The following TRABD2B variants were observed in gnomAD, a reference collection of about 807,000 sequenced individuals.
TRABD2B encodes the protein metalloprotease TIKI2.
TRABD2B carries 14 observed loss-of-function variants against 40.1 expected under a neutral mutation model. The ratio of observed to expected loss-of-function variants is 0.35; its 90% confidence interval spans 0.23 to 0.55. The LOEUF (loss-of-function observed/expected upper bound fraction) is 0.55, where lower values mean the gene tolerates loss of function less well. TRABD2B is among the 20% of genes least tolerant of loss of function. The pLI is 0.90. For missense variants in TRABD2B, 541 were observed against 648.6 expected (o/e 0.83, Z 1.80); for synonymous variants, 263 against 277.0 (o/e 0.95, Z 0.50).
intron 2 of TRABD2B, among the ~76,000 whole-genome samples, chr1:47,884,393 T>C (rs369052399): frequency 6.6e-6 from 1 of 152,212 alleles, no homozygotes. Context: ...AGAAAATAAC[T>C]CTTTCTTGTT....
rs1367779488 is a variant in TRABD2B at position 47,932,453 on chromosome 1, A to T, written c.666+61581T>A. Among the ~76,000 whole-genome samples the T allele has an allele frequency of 2.0e-5, 3 of 152,174 alleles. No homozygotes were observed. The East Asian group carries it at 5.8e-4, about 29-fold the overall frequency. ...ACGTCCGTGGAGGAGCTGAGTTATAATGGGAAACTGAGAAATAAGGCAGGA... is the reference window on the plus strand; with the variant it reads ...ACGTCCGTGGAGGAGCTGAGTTATATTGGGAAACTGAGAAATAAGGCAGGA... On this transcript the variant is annotated intron_variant, in intron 2 of 6. Transcript: ENST00000606738.
intron 2 of TRABD2B, among the ~76,000 whole-genome samples, chr1:47,990,835 A>ATATATATATATAT (rs1646000284): frequency 1.0e-5 from 1 of 95,512 alleles, no homozygotes; most frequent in Non-Finnish European, 2.0e-5. Flanking sequence ...ATATATATAT[A>ATATATATATATAT]AAACGTTGGT....
intron 2 of TRABD2B, among the ~76,000 whole-genome samples, chr1:47,862,820 C>G (rs536717906): frequency 1.1e-4 from 15 of 130,534 alleles, no homozygotes; most frequent in African/African-American, 4.1e-4. Context: ...TGACAGTACT[C>G]AATTCAAGAC....
chr1:47,871,239 G>C (rs962956738), intron 2 of TRABD2B, among the ~76,000 whole-genome samples: 1 of 152,114 alleles, frequency 6.6e-6, no homozygotes, highest in Non-Finnish European at 1.5e-5. Context: ...AGGTGGGCAG[G>C]AGCAGGAGAA....
intron 2 of TRABD2B, among the ~76,000 whole-genome samples, chr1:47,931,247 T>C (rs2148341292): frequency 6.6e-6 from 1 of 152,346 alleles, no homozygotes; most frequent in South Asian, 2.1e-4. Flanking sequence ...TGATTATTCT[T>C]GCTTCAGCTT....
chr1:47,854,492 A>G (rs1275995039), intron 2 of TRABD2B, among the ~76,000 whole-genome samples: 3 of 152,210 alleles, frequency 2.0e-5, no homozygotes, highest in Non-Finnish European at 4.4e-5. Flanking sequence ...GTTTTATCCA[A>G]TCAATGAAAC....
intron 2 of TRABD2B, among the ~76,000 whole-genome samples, chr1:47,949,684 A>G (rs1645313738): frequency 6.6e-6 from 1 of 151,752 alleles, no homozygotes; most frequent in Non-Finnish European, 1.5e-5. Flanking sequence ...CTGGGATTAC[A>G]GGTGTGAGCC....
At chr1:47,957,479 G>A (rs181256342) in intron 2 of TRABD2B, among the ~76,000 whole-genome samples, 6 of 152,070 alleles carry the variant, frequency 3.9e-5, no homozygotes, top group African/African-American at 7.2e-5. Flanking sequence ...AAGATTAAAC[G>A]AATGGCTAAC....
At chr1:47,895,661 T>C (rs1479314577) in intron 2 of TRABD2B, among the ~76,000 whole-genome samples, 1 of 152,060 alleles carries the variant, frequency 6.6e-6, no homozygotes, top group African/African-American at 2.4e-5. Flanking sequence ...GGAGACAGAG[T>C]TCACTCCTCA....
intron 2 of TRABD2B, among the ~76,000 whole-genome samples, chr1:47,855,609 C>A (rs996972751): frequency 2.0e-5 from 3 of 152,178 alleles, no homozygotes; most frequent in Non-Finnish European, 4.4e-5. Context: ...TAGTATGATT[C>A]GTTTATCCAT....
intron 2 of TRABD2B, among the ~76,000 whole-genome samples, chr1:47,956,924 CCCA>C (rs1645432164): frequency 1.3e-5 from 2 of 152,218 alleles, no homozygotes; most frequent in Non-Finnish European, 2.9e-5. Flanking sequence ...GGGTCCCTGA[CCCA>C]TGAGTAGCCT....
At chr1:47,920,203 G>A (rs992046616) in intron 2 of TRABD2B, among the ~76,000 whole-genome samples, 1 of 152,198 alleles carries the variant, frequency 6.6e-6, no homozygotes, top group African/African-American at 2.4e-5. Flanking sequence ...GTGAATCAGA[G>A]GCAGGTGTTA....
At chr1:47,802,314 C>G (rs1163564073) in intron 2 of TRABD2B, among the ~76,000 whole-genome samples, 1 of 152,188 alleles carries the variant, frequency 6.6e-6, no homozygotes, top group Non-Finnish European at 1.5e-5. Context: ...AACAGGATCC[C>G]TGCACACTTC....
rs542662732 is a variant in TRABD2B, at chr1:47,863,209, A to T, written c.667-61590T>A. ...ATGATCCATGAAAGAAAGAATTGAT[A>T]AGCTGGACTTTATTAAAATAAAAAA... On this transcript the variant is annotated intron_variant, in intron 2 of 6. Coordinates refer to ENST00000606738, the MANE Select transcript of TRABD2B (RefSeq NM_001194986.2). Among the ~76,000 whole-genome samples, 3 of 151,606 alleles carry T rather than the reference A, an allele frequency of 2.0e-5. No homozygotes were observed. The East Asian group carries it at 5.8e-4, about 29-fold the overall frequency.
chr1:47,994,510 C>T lies in TRABD2B; in HGVS notation c.190G>A (p.Val64Ile), dbSNP rs994473066. ...GAGTTGTCCGGGATGAAGTCCCAGA[C>T]GCGGGTGTAGGGGACGTGAATAGTG... ...FGTIHVPYTR[V>I]WDFIPDNSKA... Residue 64 changes from valine to isoleucine, a missense_variant, in exon 2 of 7, where the codon GTC becomes ATC. Physicochemically the swap from Val to Ile is conservative, Grantham distance 29. Coordinates refer to ENST00000606738, the MANE Select transcript of TRABD2B (RefSeq NM_001194986.2). The surrounding 1 kb of genome is among the most constrained non-coding windows in gnomAD (Gnocchi z 6.7). 12 of 1,536,144 alleles carry T rather than the reference C, an allele frequency of 7.8e-6. No individual in the cohort carries two copies. The highest frequency in any genetic ancestry group is 7.3e-5 in the East Asian group (3 of 40,906).
chr1:47,947,728 T>G (rs1557673702), intron 2 of TRABD2B, among the ~76,000 whole-genome samples: 1 of 152,214 alleles, frequency 6.6e-6, no homozygotes, highest in Non-Finnish European at 1.5e-5. Context: ...ATGACGCTGA[T>G]GCTGAGCAGA....
chr1:47,947,114 G>A (rs148973267), intron 2 of TRABD2B, among the ~76,000 whole-genome samples: 1 of 152,276 alleles, frequency 6.6e-6, no homozygotes, highest in East Asian at 1.9e-4. Context: ...GAAGAGGGAA[G>A]TAGCCTGTCT....
intron 3 of TRABD2B, among the ~76,000 whole-genome samples, chr1:47,799,362 G>A (rs1644788780): frequency 6.6e-6 from 1 of 152,176 alleles, no homozygotes; most frequent in South Asian, 2.1e-4. Flanking sequence ...TCACTCGTAG[G>A]TGAGATTCCT....
intron 2 of TRABD2B, among the ~76,000 whole-genome samples, chr1:47,838,002 C>G (rs969116545): frequency 4.6e-5 from 7 of 152,234 alleles, no homozygotes; most frequent in Non-Finnish European, 7.3e-5. Context: ...AGCCCTTAAC[C>G]AGAATCCCAT....
Sources: gnomAD v4.1 joint callset for allele counts (sites outside exome capture counted in the v4.1 genomes callset) on GRCh38, gnomAD v4.1.1 for gene constraint, Gnocchi (gnomAD v3.1) non-coding constraint, MANE v1.5 for transcripts, NCBI Gene and HGNC (gene_info 2026-07-23, HGNC 2026-07-21) for gene names.